The following NEGR1 variants were observed in gnomAD, a reference collection of about 807,000 sequenced individuals.
The protein encoded by NEGR1 is neuronal growth regulator 1, also known as IgLON family member 4.
NEGR1 carries 10 observed loss-of-function variants against 40.9 expected under a neutral mutation model. The ratio of observed to expected loss-of-function variants is 0.24; its 90% CI spans 0.15 to 0.42. The LOEUF (loss-of-function observed/expected upper bound fraction) is 0.42. Among genes scored for constraint, NEGR1 ranks in the 10% least tolerant of loss-of-function variants. The probability of loss-of-function intolerance (pLI) is 1.00; values close to 1 mark genes in which losing one functional copy is unlikely to be tolerated. For missense variants in NEGR1, 352 were observed against 438.9 expected, an observed-to-expected ratio of 0.80 and a Z score of 1.77; for synonymous variants, 185 against 166.8, an observed-to-expected ratio of 1.11 and a Z score of -0.84.
At position 71,474,517 on chromosome 1, in the gene NEGR1, T is replaced by TACACACACAC. The variant is rs57225665; in HGVS notation, c.941-66957_941-66948dup. 8.4e-3 allele frequency among the ~76,000 whole-genome samples: 966 copies of TACACACACAC among 115,442 alleles called. 6 individuals carry two copies. The highest frequency in any genetic ancestry group is 0.011 in the Non-Finnish European group (609 of 57,708). The allele number at this position is 115,442 out of a possible 152,430, so 75.7% of individuals were successfully genotyped here. ...GGCAAAACCCCATCTCTACTAACAA[T>TACACACACAC]ACACACACACACACACACACACACA... On this transcript the variant is annotated intron_variant, in intron 6 of 6. Transcript: ENST00000357731.
At position 71,398,625 on chromosome 1, in the gene NEGR1, C is replaced by T. The variant is rs1646226978; in HGVS notation, c.*8821G>A. 1 of 152,164 alleles carries T rather than the reference C, an allele frequency of 6.6e-6. No individual in the cohort carries two copies. Among genetic ancestry groups the T allele is most frequent in the Non-Finnish European group, 1.5e-5 (1 of 68,064 alleles). The allele number at this position is 152,164 out of a possible 1,614,324, so 9.4% of individuals were successfully genotyped here. A position where few individuals can be genotyped will look rare whatever the true frequency, so the allele number is the denominator to read the frequency against. On this transcript the variant is annotated 3_prime_UTR_variant, in exon 7 of 7. Coordinates refer to ENST00000357731, the MANE Select transcript of NEGR1 (RefSeq NM_173808.3). ...GAGACTTGCCTTGTCTCAGATGAGA[C>T]TTTAGACTGTGGACTTTTGAGATAG...
chr1:72,267,951 C>G (rs1655704086), intron 1 of NEGR1, among the ~76,000 whole-genome samples: 1 of 150,742 alleles, frequency 6.6e-6, no homozygotes, highest in Non-Finnish European at 1.5e-5. Context: ...AAAAGTATTA[C>G]AGAGAAAACA....
At chr1:71,875,494 T>C (rs1395973725) in intron 2 of NEGR1, among the ~76,000 whole-genome samples, 3 of 152,206 alleles carry the variant, frequency 2.0e-5, no homozygotes, top group Non-Finnish European at 4.4e-5. Context: ...TCAGGGCAGT[T>C]GAAGCCTTGC....
At chr1:72,135,433 A>G (rs1325682960) in intron 1 of NEGR1, among the ~76,000 whole-genome samples, 1 of 151,556 alleles carries the variant, frequency 6.6e-6, no homozygotes, top group African/African-American at 2.4e-5. Flanking sequence ...AAAAAAAAAA[A>G]AAAAAAGAAA....
intron 4 of NEGR1, among the ~76,000 whole-genome samples, chr1:71,650,640 T>C (rs990964997): frequency 6.6e-6 from 1 of 152,166 alleles, no homozygotes; most frequent in Non-Finnish European, 1.5e-5. Context: ...TTTTTTGGTC[T>C]TGACTATTTC....
intron 2 of NEGR1, among the ~76,000 whole-genome samples, chr1:71,885,555 A>C (rs1660701014): frequency 6.6e-6 from 1 of 152,214 alleles, no homozygotes; most frequent in African/African-American, 2.4e-5. Context: ...ACTGTAAGTA[A>C]GAGGATCTGG....
intron 4 of NEGR1, among the ~76,000 whole-genome samples, chr1:71,636,471 T>C (rs949625682): frequency 2.6e-5 from 4 of 152,092 alleles, no homozygotes; most frequent in Non-Finnish European, 5.9e-5. Context: ...AGCAAAACAC[T>C]GAAAGTATAG....
chr1:72,153,267 GA>G (rs1651192939), intron 1 of NEGR1, among the ~76,000 whole-genome samples: 1 of 151,926 alleles, frequency 6.6e-6, no homozygotes, highest in East Asian at 1.9e-4. Flanking sequence ...ATGGCTTCTT[GA>G]AAAGACTAAT....
chr1:72,052,234 A>T (rs1247181092), intron 1 of NEGR1, among the ~76,000 whole-genome samples: 1 of 151,458 alleles, frequency 6.6e-6, no homozygotes, highest in Non-Finnish European at 1.5e-5. Flanking sequence ...AGCCTTGTCA[A>T]ATTATTCCAG....
intron 1 of NEGR1, among the ~76,000 whole-genome samples, chr1:72,196,582 C>A (rs1653006705): frequency 6.6e-6 from 1 of 151,962 alleles, no homozygotes; most frequent in Admixed American, 6.6e-5. Flanking sequence ...CCAGCCTAGT[C>A]AATATGGTGA....
intron 6 of NEGR1, among the ~76,000 whole-genome samples, chr1:71,592,440 A>C (rs1649532880): frequency 6.6e-6 from 1 of 152,220 alleles, no homozygotes; most frequent in Non-Finnish European, 1.5e-5. Context: ...ACCAACCAAG[A>C]GTAAATTCAA....
chr1:72,072,622 GA>G (rs1374228700), intron 1 of NEGR1, among the ~76,000 whole-genome samples: 1 of 151,938 alleles, frequency 6.6e-6, no homozygotes, highest in East Asian at 1.9e-4. Flanking sequence ...TAAAAGCTGA[GA>G]AAAAAATAAT....
intron 1 of NEGR1, among the ~76,000 whole-genome samples, chr1:72,207,788 T>G (rs146525241): frequency 6.6e-5 from 10 of 151,822 alleles, no homozygotes; most frequent in African/African-American, 2.4e-4. Flanking sequence ...TTCATGAGAT[T>G]AAAAAACGCA....
At chr1:71,663,006 G>T (rs1652117965) in intron 4 of NEGR1, among the ~76,000 whole-genome samples, 1 of 151,696 alleles carries the variant, frequency 6.6e-6, no homozygotes, top group African/African-American at 2.4e-5. Context: ...TCTCAGGCTG[G>T]AGTGCAGTGG....
At chr1:71,584,516 G>C (rs1557576136) in intron 6 of NEGR1, among the ~76,000 whole-genome samples, 1 of 152,076 alleles carries the variant, frequency 6.6e-6, no homozygotes, top group Non-Finnish European at 1.5e-5. Flanking sequence ...ACGTATTCCT[G>C]GATCTTTTAT....
chr1:72,137,242 C>T (rs1041548693), intron 1 of NEGR1, among the ~76,000 whole-genome samples: 3 of 152,122 alleles, frequency 2.0e-5, no homozygotes, highest in African/African-American at 7.2e-5. Context: ...AATCCCATTA[C>T]TGGGTATATA....
intron 4 of NEGR1, among the ~76,000 whole-genome samples, chr1:71,669,399 C>T (rs1359026410): frequency 2.0e-5 from 3 of 151,662 alleles, no homozygotes; most frequent in Non-Finnish European, 2.9e-5. Context: ...ATTTTGTGTT[C>T]CATTTTCTCT....
At chr1:71,973,120 T>C (rs1302359201) in intron 1 of NEGR1, among the ~76,000 whole-genome samples, 6 of 151,982 alleles carry the variant, frequency 3.9e-5, no homozygotes, top group Admixed American at 3.9e-4. Context: ...ATAGAGACCA[T>C]CCTGGCTAAC....
intron 1 of NEGR1, among the ~76,000 whole-genome samples, chr1:72,208,775 C>T (rs1653497256): frequency 6.6e-6 from 1 of 151,640 alleles, no homozygotes; most frequent in East Asian, 1.9e-4. Flanking sequence ...ATTTAGGCTA[C>T]TTTGTTTAAA....
Sources: allele counts gnomAD v4.1 joint callset (sites outside exome capture counted in the v4.1 genomes callset), GRCh38; gene constraint gnomAD v4.1.1; transcripts MANE v1.5; gene names NCBI Gene and HGNC (gene_info 2026-07-23, HGNC 2026-07-21).